The following TDRD5 variants were observed in gnomAD, a reference collection of about 807,000 sequenced individuals.
The protein encoded by TDRD5 is tudor domain-containing protein 5.
A neutral mutation model predicts 120.6 loss-of-function variants in TDRD5; 41 were observed. That is an observed-to-expected ratio of 0.34 (90% CI 0.26 to 0.44). The LOEUF (loss-of-function observed/expected upper bound fraction) is 0.44, where lower values mean the gene tolerates loss of function less well. TDRD5 is among the 20% of genes least tolerant of loss of function. The pLI, the probability that TDRD5 is intolerant of heterozygous loss-of-function variation, is 1.00. For synonymous variants in TDRD5, 430 were observed against 433.7 expected, an observed-to-expected ratio of 0.99 and a Z score of 0.11; for missense variants, 1,006 against 1,221.2, an observed-to-expected ratio of 0.82 and a Z score of 2.63.
intron 4 of TDRD5, among the ~76,000 whole-genome samples, chr1:179,612,939 A>AT (rs1290501868): frequency 1.9e-4 from 28 of 148,406 alleles, no homozygotes. Flanking sequence ...TTGTCTCAAA[A>AT]AAAAAAAAAA....
At chr1:179,670,673 C>CT (rs2147781981) in intron 17 of TDRD5, among the ~76,000 whole-genome samples, 1 of 152,292 alleles carries the variant, frequency 6.6e-6, no homozygotes, top group Admixed American at 6.5e-5. Context: ...TGTTCACCAT[C>CT]TTTTTTGTGT....
At chr1:179,666,622 A>G (rs1447642934) in intron 16 of TDRD5, among the ~76,000 whole-genome samples, 3 of 152,090 alleles carry the variant, frequency 2.0e-5, no homozygotes, top group Non-Finnish European at 2.9e-5. Flanking sequence ...GTTCTGCCCT[A>G]TGCCGTTTTC....
chr1:179,680,895 A>G (rs1209324754), intron 17 of TDRD5, among the ~76,000 whole-genome samples: 1 of 152,236 alleles, frequency 6.6e-6, no homozygotes, highest in Non-Finnish European at 1.5e-5. Context: ...AGGTAGGAAA[A>G]GAGAAAAAAG....
chr1:179,617,121 C>T (rs909406656), intron 4 of TDRD5, among the ~76,000 whole-genome samples: 1 of 152,128 alleles, frequency 6.6e-6, no homozygotes, highest in African/African-American at 2.4e-5. Flanking sequence ...ACGATATAAT[C>T]ATAGGTATCT....
chr1:179,616,549 C>G (rs528557250), intron 4 of TDRD5, among the ~76,000 whole-genome samples: 1 of 152,276 alleles, frequency 6.6e-6, no homozygotes, highest in East Asian at 1.9e-4. Context: ...CTAAAAATCT[C>G]TAGTATCAGT....
At chr1:179,613,204 C>T (rs556664792) in intron 4 of TDRD5, among the ~76,000 whole-genome samples, 69 of 152,026 alleles carry the variant, frequency 4.5e-4, no homozygotes, top group Non-Finnish European at 8.8e-4. Context: ...TTTATTTCAC[C>T]TGATAACCTG....
chr1:179,650,893 G>A lies in TDRD5; in HGVS notation c.1827G>A (p.Leu609=), dbSNP rs1199630588. 2 of 1,613,942 alleles carry A rather than the reference G, an allele frequency of 1.2e-6. No homozygotes were observed. The highest frequency in any genetic ancestry group is 2.7e-5 in the African/African-American group (2 of 74,904). The stretch of plus-strand genomic sequence containing the variant: ...AACACTGGACATCGAAAGCTATTTT[G>A]CAGTTCCAGAAGTTGTGCGGTTTGA... The part of the protein sequence containing the change: ...VEEHWTSKAI[L]QFQKLCGLKP... Residue 609 remains leucine, a synonymous_variant, in exon 12 of 18, where the codon TTG becomes TTA. Transcript: ENST00000444136.
intron 16 of TDRD5, among the ~76,000 whole-genome samples, chr1:179,665,091 G>C (rs1352149451): frequency 6.6e-6 from 1 of 152,076 alleles, no homozygotes; most frequent in Non-Finnish European, 1.5e-5. Context: ...AAGATATTCA[G>C]ATCCTTTGCC....
intron 14 of TDRD5, 102 bp from the exon 15 acceptor site, chr1:179,662,002 C>A: frequency 9.2e-7 from 1 of 1,081,702 alleles, no homozygotes; most frequent in African/African-American, 1.6e-5. Flanking sequence ...TTCAAACTGT[C>A]ATCTTTACCT....
At chr1:179,651,919 A>C in intron 12 of TDRD5, 120 bp from the exon 13 acceptor site, 2 of 1,166,922 alleles carry the variant, frequency 1.7e-6, no homozygotes, top group Non-Finnish European at 2.4e-6. Context: ...TCTCGAAATA[A>C]ATAAATAAAA....
At chr1:179,611,583 A>C (rs936338088) in intron 4 of TDRD5, among the ~76,000 whole-genome samples, 2 of 151,832 alleles carry the variant, frequency 1.3e-5, no homozygotes, top group African/African-American at 2.4e-5. Context: ...TGTGCTGACT[A>C]AAAGTTCCAA....
At chr1:179,594,996 G>A (rs1268245212) in intron 3 of TDRD5, among the ~76,000 whole-genome samples, 12 of 152,078 alleles carry the variant, frequency 7.9e-5, no homozygotes, top group Admixed American at 7.9e-4. Flanking sequence ...CTCCATCCAT[G>A]GTTCCTACTT....
Position 179,593,587 on chromosome 1 carries a change from A to T in TDRD5, c.360A>T (p.Arg120=). The change falls in exon 3 of 18, where the codon CGA becomes CGT. Residue 120 remains arginine, a synonymous_variant. Coordinates refer to ENST00000444136, the MANE Select transcript of TDRD5 (RefSeq NM_001199085.3). ...ATTCTGGACCGAGATCTCATCGGCG[A>T]GTACCTTACCGAGGAAGGGTTGCCC... The part of the protein sequence containing the change: ...SIYSGPRSHR[R]VPYRGRVAPI... The T allele has an allele frequency of 6.2e-7, 1 of 1,614,238 alleles. No homozygotes were observed. The highest frequency in any genetic ancestry group is 8.5e-7 in the Non-Finnish European group (1 of 1,180,038).
intron 10 of TDRD5, 89 bp from the exon 11 acceptor site, chr1:179,640,290 A>C: frequency 7.0e-7 from 1 of 1,433,412 alleles, no homozygotes; most frequent in Non-Finnish European, 9.8e-7. Flanking sequence ...TTAGTCTCTT[A>C]TTAAGAAAGT....
At chr1:179,672,421 G>A (rs1439443913) in intron 17 of TDRD5, among the ~76,000 whole-genome samples, 1 of 151,912 alleles carries the variant, frequency 6.6e-6, no homozygotes, top group East Asian at 1.9e-4. Context: ...CTTCTTTTGG[G>A]AATTGTCTAT....
chr1:179,627,512 T>G (rs1462526987), intron 6 of TDRD5, among the ~76,000 whole-genome samples: 3 of 152,200 alleles, frequency 2.0e-5, no homozygotes, highest in Non-Finnish European at 4.4e-5. Context: ...TAATTTGATG[T>G]AAAGCAAATG....
intron 5 of TDRD5, among the ~76,000 whole-genome samples, chr1:179,619,490 T>G (rs1319007741): frequency 6.6e-6 from 1 of 152,164 alleles, no homozygotes; most frequent in African/African-American, 2.4e-5. Flanking sequence ...TTGTACTGCC[T>G]TATATTATTC....
chr1:179,668,325 A>T (rs1679658360), intron 16 of TDRD5, among the ~76,000 whole-genome samples: 1 of 152,158 alleles, frequency 6.6e-6, no homozygotes, highest in African/African-American at 2.4e-5. Flanking sequence ...CTGAGGACTG[A>T]GTGCCCCTTA....
At chr1:179,644,241 G>A (rs1462799402) in intron 11 of TDRD5, among the ~76,000 whole-genome samples, 2 of 152,044 alleles carry the variant, frequency 1.3e-5, no homozygotes, top group Admixed American at 6.6e-5. Context: ...TAATATGTGG[G>A]CAAATATGAA....
Sources: allele counts gnomAD v4.1 joint callset (sites outside exome capture counted in the v4.1 genomes callset), GRCh38; gene constraint gnomAD v4.1.1; transcripts MANE v1.5; gene names NCBI Gene and HGNC (gene_info 2026-07-23, HGNC 2026-07-21).